The following ADCY2 variants were observed in gnomAD, a reference collection of about 807,000 sequenced individuals.
ADCY2 encodes adenylate cyclase type 2.
ADCY2 carries 31 observed loss-of-function variants against 125.2 expected under a neutral mutation model. That is an observed-to-expected ratio of 0.25 (90% CI 0.19 to 0.33). The LOEUF (loss-of-function observed/expected upper bound fraction) is 0.33. Ranked by LOEUF, ADCY2 falls within the 10% of genes least tolerant of loss-of-function variation. The probability of loss-of-function intolerance (pLI) is 1.00; values close to 1 mark genes in which losing one functional copy is unlikely to be tolerated. For synonymous variants in ADCY2, 512 were observed against 548.4 expected (o/e 0.93, Z 0.93); for missense variants, 904 against 1,418.2 (o/e 0.64, Z 5.82).
intron 2 of ADCY2, among the ~76,000 whole-genome samples, chr5:7,478,965 C>G (rs1373858008): frequency 6.6e-6 from 1 of 152,042 alleles, no homozygotes; most frequent in Non-Finnish European, 1.5e-5. Flanking sequence ...TTAATAAGCT[C>G]TTATAGAATT....
chr5:7,414,205 G>A (rs575954519), intron 1 of ADCY2, among the ~76,000 whole-genome samples: 14 of 152,214 alleles, frequency 9.2e-5, no homozygotes, highest in African/African-American at 2.9e-4. Context: ...TTCTAAGGCC[G>A]GGGTTTTTCT....
chr5:7,455,862 A>C (rs1741650921), intron 2 of ADCY2, among the ~76,000 whole-genome samples: 2 of 147,944 alleles, frequency 1.4e-5, no homozygotes, highest in East Asian at 2.0e-4. Context: ...TATTATGTAC[A>C]TTGTTATAAA....
chr5:7,446,782 A>C (rs546386099), intron 2 of ADCY2, among the ~76,000 whole-genome samples: 2 of 152,136 alleles, frequency 1.3e-5, no homozygotes, highest in Non-Finnish European at 2.9e-5. Flanking sequence ...CATGCGGTCT[A>C]TTTGTTTTAT....
chr5:7,696,417 T>A (rs1487215839), intron 6 of ADCY2, among the ~76,000 whole-genome samples: 1 of 152,190 alleles, frequency 6.6e-6, no homozygotes, highest in African/African-American at 2.4e-5. Flanking sequence ...TGCTCTTTCA[T>A]GGGAAATTTC....
chr5:7,529,065 G>A (rs568575969), intron 3 of ADCY2, among the ~76,000 whole-genome samples: 6 of 152,286 alleles, frequency 3.9e-5, no homozygotes, highest in Non-Finnish European at 7.3e-5. Flanking sequence ...GCACTGCTCC[G>A]GTTCTAAGAG....
chr5:7,593,703 T>A (rs73048194), intron 3 of ADCY2, among the ~76,000 whole-genome samples: 3,700 of 152,186 alleles, frequency 0.024, 146 homozygotes, highest in African/African-American at 0.084. Context: ...TGCCCCCAGG[T>A]CCTTTTTCAA....
intron 2 of ADCY2, among the ~76,000 whole-genome samples, chr5:7,476,210 C>T (rs1268367132): frequency 2.0e-5 from 3 of 151,590 alleles, no homozygotes; most frequent in South Asian, 2.1e-4. Context: ...TAGTAGGAGA[C>T]GTCTGGATGG....
At chr5:7,761,372 A>T (rs1228187322) in intron 16 of ADCY2, among the ~76,000 whole-genome samples, 1 of 149,890 alleles carries the variant, frequency 6.7e-6, no homozygotes, top group Non-Finnish European at 1.5e-5. Context: ...CTGGTCTTGA[A>T]CTCCTTACCG....
intron 3 of ADCY2, among the ~76,000 whole-genome samples, chr5:7,572,108 C>T (rs2126601895): frequency 6.6e-6 from 1 of 152,260 alleles, no homozygotes. Flanking sequence ...CATACACTTG[C>T]ATGTGTCTTT....
chr5:7,491,010 A>G (rs980865948), intron 2 of ADCY2, among the ~76,000 whole-genome samples: 53 of 152,226 alleles, frequency 3.5e-4, no homozygotes, highest in Non-Finnish European at 8.8e-5. Flanking sequence ...TGCTCCTTAC[A>G]ATTAAAATAC....
intron 3 of ADCY2, among the ~76,000 whole-genome samples, chr5:7,587,176 G>A (rs1026305434): frequency 3.7e-4 from 56 of 152,006 alleles, no homozygotes; most frequent in African/African-American, 1.3e-3. Context: ...ACCATCACTC[G>A]CAGGACTAAC....
At chr5:7,761,124 T>G (rs1275910579) in intron 16 of ADCY2, among the ~76,000 whole-genome samples, 2 of 148,482 alleles carry the variant, frequency 1.3e-5, no homozygotes, top group Non-Finnish European at 3.0e-5. Flanking sequence ...TGTGTGTGTA[T>G]CAAAATTTCT....
At chr5:7,806,148 G>GA (rs913363714) in intron 22 of ADCY2, among the ~76,000 whole-genome samples, 3 of 151,918 alleles carry the variant, frequency 2.0e-5, no homozygotes, top group African/African-American at 7.3e-5. Flanking sequence ...TAAAAAAATT[G>GA]AAAAAATGTA....
chr5:7,594,265 A>G (rs755223232), intron 3 of ADCY2, among the ~76,000 whole-genome samples: 2 of 152,146 alleles, frequency 1.3e-5, no homozygotes, highest in African/African-American at 2.4e-5. Context: ...TAGTGATGGA[A>G]GTGGTAGGAG....
intron 14 of ADCY2, among the ~76,000 whole-genome samples, chr5:7,742,585 T>C (rs1362982975): frequency 6.6e-6 from 1 of 152,184 alleles, no homozygotes; most frequent in African/African-American, 2.4e-5. Context: ...GTCATCCCTC[T>C]TAATGGAGTA....
At position 7,657,679 on chromosome 5, in the gene ADCY2, C is replaced by T. The variant is rs116254743; in HGVS notation, c.720+31363C>T. ...TTTCCTGCACTAAGGGCGAAACACA[C>T]GTGAGGGTTAATCACCTAAGTTCGC... On this transcript the variant is annotated intron_variant, in intron 4 of 24. Transcript: ENST00000338316. Among the ~76,000 whole-genome samples the T allele has an allele frequency of 1.2e-3, 187 of 152,318 alleles. 1 individual carries two copies. The highest frequency in any genetic ancestry group is 2.2e-3 in the Non-Finnish European group (151 of 68,030).
chr5:7,641,229 G>A (rs535634369), intron 4 of ADCY2, among the ~76,000 whole-genome samples: 9 of 152,200 alleles, frequency 5.9e-5, no homozygotes, highest in South Asian at 2.1e-4. Context: ...ACAAAGATGT[G>A]GATAGTTTTG....
rs925640878 is a variant in ADCY2, at chr5:7,466,779, GA to G, written c.408+52017del. ...CAGGGCCAACTGTAATTTCAGGAAT[GA>G]AAAAAAATAATAGCAAGTAACAAGC... is the stretch of plus-strand genomic sequence containing the variant. On this transcript the variant is annotated intron_variant, in intron 2 of 24. Transcript: ENST00000338316. Among the ~76,000 whole-genome samples, 8 of 152,010 alleles carry G rather than the reference GA, an allele frequency of 5.3e-5. No individual in the cohort carries two copies. The East Asian group carries it at 7.7e-4, about 15-fold the overall frequency.
At chr5:7,824,044 T>G (rs991160572) in intron 24 of ADCY2, among the ~76,000 whole-genome samples, 8 of 152,180 alleles carry the variant, frequency 5.3e-5, no homozygotes, top group African/African-American at 1.2e-4. Context: ...TGGGTAAGTT[T>G]TTAATCCCGA....
Sources: allele counts gnomAD v4.1 joint callset (sites outside exome capture counted in the v4.1 genomes callset), GRCh38; gene constraint gnomAD v4.1.1; transcripts MANE v1.5; gene names NCBI Gene and HGNC (gene_info 2026-07-23, HGNC 2026-07-21).